The following SYT1 variants were observed in gnomAD, a reference collection of about 807,000 sequenced individuals.
SYT1 encodes synaptotagmin 1, also known as synaptotagmin-1.
SYT1 carries 8 observed loss-of-function variants against 44.8 expected under a neutral mutation model. That is an observed-to-expected ratio of 0.18 (90% CI 0.10 to 0.32). SYT1 has a LOEUF of 0.32. Ranked by LOEUF, SYT1 falls within the 10% of genes least tolerant of loss-of-function variation. The pLI is 1.00. For synonymous variants in SYT1, 154 were observed against 188.8 expected (o/e 0.82, Z 1.51); for missense variants, 286 against 509.3 (o/e 0.56, Z 4.22).
intron 3 of SYT1, among the ~76,000 whole-genome samples, chr12:79,159,859 T>G (rs1293336573): frequency 6.6e-6 from 1 of 152,142 alleles, no homozygotes; most frequent in African/African-American, 2.4e-5. Context: ...TTCTCGGAGT[T>G]AAAATGTAGC....
At chr12:78,930,178 C>A (rs1877556201) in intron 1 of SYT1, among the ~76,000 whole-genome samples, 1 of 151,626 alleles carries the variant, frequency 6.6e-6, no homozygotes, top group African/African-American at 2.4e-5. Context: ...GTCTTCACCA[C>A]AAAAAATCAG....
chr12:79,300,789 T>TTTTTTATATATATATA (rs1490670835), intron 8 of SYT1, among the ~76,000 whole-genome samples: 2 of 89,624 alleles, frequency 2.2e-5, no homozygotes, highest in Non-Finnish European at 4.4e-5. Flanking sequence ...TGTATACTTA[T>TTTTTTATATATATATA]TATATATATA....
intron 3 of SYT1, among the ~76,000 whole-genome samples, chr12:79,090,913 C>A (rs369011685): frequency 6.6e-6 from 1 of 152,044 alleles, no homozygotes; most frequent in East Asian, 1.9e-4. Flanking sequence ...TCTGTCAGAC[C>A]TTTAAAAGTG....
intron 1 of SYT1, among the ~76,000 whole-genome samples, chr12:78,936,007 C>T (rs1036703696): frequency 3.3e-5 from 5 of 152,002 alleles, no homozygotes; most frequent in African/African-American, 9.7e-5. Context: ...AGGAGAGATA[C>T]AGTAATCTTA....
At chr12:79,104,113 GTTA>G (rs1878582027) in intron 3 of SYT1, among the ~76,000 whole-genome samples, 1 of 150,704 alleles carries the variant, frequency 6.6e-6, no homozygotes, top group African/African-American at 2.4e-5. Context: ...TATATGATAT[GTTA>G]TTATAAAAAA....
At chr12:78,971,687 C>A (rs1868394094) in intron 1 of SYT1, among the ~76,000 whole-genome samples, 1 of 152,018 alleles carries the variant, frequency 6.6e-6, no homozygotes, top group Non-Finnish European at 1.5e-5. Flanking sequence ...ACTATTTTAA[C>A]TTTGTGATTC....
chr12:79,269,766 A>G (rs1878323614), intron 4 of SYT1, among the ~76,000 whole-genome samples: 1 of 152,132 alleles, frequency 6.6e-6, no homozygotes, highest in East Asian at 1.9e-4. Flanking sequence ...AACTTTTATC[A>G]TATTTTAAAC....
In SYT1 at chr12:79,426,255, G is replaced by A. The variant is rs372289638; in HGVS notation, c.929-17818G>A. Among the ~76,000 whole-genome samples, 8 of 152,184 alleles carry A rather than the reference G, an allele frequency of 5.3e-5. No homozygotes were observed. The East Asian group carries it at 9.7e-4, about 18-fold the overall frequency. ...AGGCAAATCATGAGCTTGCTTTAGA[G>A]TATTTCCTCTTTGTCTAATCTTCAC... On this transcript the variant is annotated intron_variant, in intron 9 of 10. Coordinates refer to ENST00000261205, the MANE Select transcript of SYT1 (RefSeq NM_005639.3).
chr12:78,901,932 A>G (rs977700564), intron 1 of SYT1, among the ~76,000 whole-genome samples: 8 of 152,134 alleles, frequency 5.3e-5, no homozygotes, highest in African/African-American at 2.4e-5. Flanking sequence ...AAACCAACAC[A>G]AGAATAGAAA....
At chr12:79,087,095 C>T (rs1379287186) in intron 3 of SYT1, among the ~76,000 whole-genome samples, 1 of 152,120 alleles carries the variant, frequency 6.6e-6, no homozygotes, top group Non-Finnish European at 1.5e-5. Context: ...TGTTAGTACA[C>T]AATTCGGGCC....
chr12:79,071,250 A>T (rs1876253468), intron 3 of SYT1, among the ~76,000 whole-genome samples: 1 of 152,164 alleles, frequency 6.6e-6, no homozygotes, highest in Non-Finnish European at 1.5e-5. Flanking sequence ...AATTTTATTT[A>T]AAAATAATTT....
At chr12:79,252,003 G>A (rs1268682957) in intron 4 of SYT1, among the ~76,000 whole-genome samples, 1 of 151,810 alleles carries the variant, frequency 6.6e-6, no homozygotes, top group Admixed American at 6.6e-5. Flanking sequence ...TAGATAGATA[G>A]ATAGATAATA....
chr12:78,873,225 A>C (rs1873910357), intron 1 of SYT1, among the ~76,000 whole-genome samples: 1 of 151,580 alleles, frequency 6.6e-6, no homozygotes, highest in South Asian at 2.1e-4. Context: ...TGTCTGTTGG[A>C]ACTTACTGCC....
At chr12:79,097,579 T>C (rs955982330) in intron 3 of SYT1, among the ~76,000 whole-genome samples, 1 of 151,936 alleles carries the variant, frequency 6.6e-6, no homozygotes, top group Non-Finnish European at 1.5e-5. Context: ...TATAAAATAC[T>C]GTGTAATCTT....
chr12:79,200,961 G>A (rs1425685230), intron 3 of SYT1, among the ~76,000 whole-genome samples: 1 of 152,108 alleles, frequency 6.6e-6, no homozygotes, highest in East Asian at 1.9e-4. Flanking sequence ...TAGTGAAATG[G>A]TAAGGAAATG....
At chr12:79,424,300 A>G (rs1032880538) in intron 9 of SYT1, among the ~76,000 whole-genome samples, 1 of 152,148 alleles carries the variant, frequency 6.6e-6, no homozygotes, top group Non-Finnish European at 1.5e-5. Context: ...AAATAACCAC[A>G]GAGAGAGCCT....
At chr12:79,113,093 CAAGTT>C (rs939944974) in intron 3 of SYT1, among the ~76,000 whole-genome samples, 2 of 152,052 alleles carry the variant, frequency 1.3e-5, no homozygotes, top group African/African-American at 4.8e-5. Flanking sequence ...ACATAAAAGT[CAAGTT>C]ATGTTTTTTA....
intron 9 of SYT1, among the ~76,000 whole-genome samples, chr12:79,362,475 G>T (rs1031051485): frequency 2.6e-5 from 4 of 152,090 alleles, no homozygotes; most frequent in Non-Finnish European, 4.4e-5. Context: ...ATAAATAAAA[G>T]GGAGGGAAAA....
intron 6 of SYT1, among the ~76,000 whole-genome samples, chr12:79,293,411 TA>T (rs1565894740): frequency 7.0e-4 from 44 of 62,996 alleles, no homozygotes; most frequent in East Asian, 2.1e-3. Context: ...AAAATAAAAT[TA>T]AAAAATCTGT....
Sources: allele counts gnomAD v4.1 joint callset (sites outside exome capture counted in the v4.1 genomes callset), GRCh38; gene constraint gnomAD v4.1.1; transcripts MANE v1.5; gene names NCBI Gene and HGNC (gene_info 2026-07-23, HGNC 2026-07-21).